Variants in IPO11 observed in about 807,000 individuals in gnomAD.
IPO11 encodes importin-11.
A neutral mutation model predicts 143.2 loss-of-function variants in IPO11; 66 were observed. The ratio of observed to expected loss-of-function variants is 0.46; its 90% confidence interval spans 0.38 to 0.57. The LOEUF (loss-of-function observed/expected upper bound fraction) is 0.57, where lower values mean the gene tolerates loss of function less well. Among genes scored for constraint, IPO11 ranks in the 20% least tolerant of loss-of-function variants. The probability of loss-of-function intolerance (pLI) is 0.00; values close to 1 mark genes in which losing one functional copy is unlikely to be tolerated. For missense variants in IPO11, 1,026 were observed against 1,141.0 expected (o/e 0.90, Z 1.45); for synonymous variants, 385 against 377.8 (o/e 1.02, Z -0.22).
chr5:62,596,274 A>AAAAAAAAAAAAAAAAAGAAAG (rs1554057521), intron 28 of IPO11, among the ~76,000 whole-genome samples: 3 of 150,866 alleles, frequency 2.0e-5, no homozygotes, highest in African/African-American at 7.4e-5. Flanking sequence ...GTCTCAAAAA[A>AAAAAAAAAAAAAAAAAGAAAG]AAAAAAAAAG....
chr5:62,544,494 A>G (rs561500335), intron 24 of IPO11, among the ~76,000 whole-genome samples: 1 of 152,322 alleles, frequency 6.6e-6, no homozygotes, highest in East Asian at 1.9e-4. Flanking sequence ...AGCCAATATC[A>G]TACTGAATGG....
chr5:62,428,410 C>T (rs1743840146), intron 1 of IPO11, among the ~76,000 whole-genome samples: 1 of 152,130 alleles, frequency 6.6e-6, no homozygotes. Context: ...GTGGTGCGAT[C>T]TCAGCTCACT....
chr5:62,446,080 T>G (rs1417897794), intron 3 of IPO11, among the ~76,000 whole-genome samples: 1 of 152,232 alleles, frequency 6.6e-6, no homozygotes, highest in African/African-American at 2.4e-5. Flanking sequence ...GAGAGATCAT[T>G]TTTAATGACC....
intron 1 of IPO11, among the ~76,000 whole-genome samples, chr5:62,435,214 A>ATATATATGTGTG (rs1554047245): frequency 8.2e-6 from 1 of 122,008 alleles, no homozygotes; most frequent in African/African-American, 3.4e-5. Flanking sequence ...ATATATGTGT[A>ATATATATGTGTG]TATATATATA....
rs184872549 is a variant in IPO11 at position 62,562,532 on chromosome 5, C to T, written c.2582+1275C>T. ...ATAGGGTTACCACTCCTATGAGAAT[C>T]TAATGCCACCACTGATCAGACAGGA... On this transcript the variant is annotated intron_variant, in intron 27 of 29. Coordinates refer to ENST00000325324, the MANE Select transcript of IPO11 (RefSeq NM_016338.5). Among the ~76,000 whole-genome samples the T allele has an allele frequency of 5.3e-5, 8 of 152,308 alleles. No individual in the cohort carries two copies. The East Asian group carries it at 1.5e-3, about 29-fold the overall frequency.
At position 62,468,090 on chromosome 5, in the gene IPO11, G is replaced by A. The variant is rs190178817; in HGVS notation, c.649+827G>A. Reference sequence around the variant, plus strand: ...AGCTTCCTGAGTAACTGGGACTACAGGCACATGCCACTGCACCAGGCTGAT... The same window carrying A: ...AGCTTCCTGAGTAACTGGGACTACAAGCACATGCCACTGCACCAGGCTGAT... On this transcript the variant is annotated intron_variant, in intron 6 of 29. Coordinates refer to ENST00000325324, the MANE Select transcript of IPO11 (RefSeq NM_016338.5). Among the ~76,000 whole-genome samples the A allele has an allele frequency of 7.0e-4, 106 of 152,172 alleles. 1 individual carries two copies. The highest frequency in any genetic ancestry group is 8.8e-5 in the Non-Finnish European group (6 of 68,004).
At chr5:62,616,523 C>T (rs927027080) in intron 29 of IPO11, among the ~76,000 whole-genome samples, 2 of 151,914 alleles carry the variant, frequency 1.3e-5, no homozygotes, top group Non-Finnish European at 2.9e-5. Context: ...CACTTGAGAC[C>T]AGCCTGGCCA....
In IPO11 at chr5:62,628,333, GAAAA is replaced by G. The variant is rs929292004; in HGVS notation, c.*1021_*1024del. 4 of 150,330 alleles carry G rather than the reference GAAAA, an allele frequency of 2.7e-5. No homozygotes were observed. In the South Asian group the frequency reaches 6.3e-4, roughly 24 times the overall value. 9.3% of individuals were successfully genotyped at this position (150,330 alleles called of 1,614,324 possible). A position where few individuals can be genotyped will look rare whatever the true frequency, so the allele number is the denominator to read the frequency against. On this transcript the variant is annotated 3_prime_UTR_variant, in exon 30 of 30. Transcript: ENST00000325324. ...GCAGTACATAAAAAGGGGAAAAGGA[GAAAA>G]AAAAAGCCTTACTTTGTTTTACTTG...
intron 20 of IPO11, among the ~76,000 whole-genome samples, chr5:62,519,059 A>T (rs1186845543): frequency 6.6e-6 from 1 of 152,126 alleles, no homozygotes; most frequent in Non-Finnish European, 1.5e-5. Flanking sequence ...GGGGCACATT[A>T]GGGAAGGCCT....
At chr5:62,613,981 T>C (rs1746028471) in intron 29 of IPO11, among the ~76,000 whole-genome samples, 1 of 152,228 alleles carries the variant, frequency 6.6e-6, no homozygotes, top group East Asian at 1.9e-4. Context: ...AATTTTTGCA[T>C]GAACCCTTGC....
At chr5:62,581,340 TG>T in intron 27 of IPO11, 2 of 1,440,486 alleles carry the variant, frequency 1.4e-6, no homozygotes, top group Non-Finnish European at 1.8e-6. Flanking sequence ...GAAACTTCAG[TG>T]CCATGGACAT....
chr5:62,451,670 A>G, intron 4 of IPO11, 60 bp from the exon 5 acceptor site: 1 of 1,233,524 alleles, frequency 8.1e-7, no homozygotes, highest in Non-Finnish European at 1.2e-6. Flanking sequence ...GTGATTTGTC[A>G]CCGTGAATGC....
chr5:62,624,980 C>CAAA (rs141431600), intron 29 of IPO11, among the ~76,000 whole-genome samples: 15,042 of 89,404 alleles, frequency 0.17, 1,111 homozygotes, highest in East Asian at 0.4. Context: ...GCGAGAGACT[C>CAAA]AAAAAAAAAA....
intron 1 of IPO11, among the ~76,000 whole-genome samples, chr5:62,421,847 G>C (rs1743525991): frequency 6.6e-6 from 1 of 152,194 alleles, no homozygotes; most frequent in Admixed American, 6.5e-5. Context: ...TACAATGACA[G>C]GCTGAGCTCT....
chr5:62,477,400 A>G (rs1296659234), intron 9 of IPO11, among the ~76,000 whole-genome samples: 1 of 152,198 alleles, frequency 6.6e-6, no homozygotes, highest in African/African-American at 2.4e-5. Flanking sequence ...AGATTCAATA[A>G]TAGGGTAGGG....
At chr5:62,626,825 TATTTAA>T (rs1248988295) in intron 29 of IPO11, among the ~76,000 whole-genome samples, 1 of 152,216 alleles carries the variant, frequency 6.6e-6, no homozygotes, top group African/African-American at 2.4e-5. Context: ...TGGACAATTG[TATTTAA>T]ATGTTCTTCA....
chr5:62,615,363 T>G (rs1746092707), intron 29 of IPO11, among the ~76,000 whole-genome samples: 1 of 152,214 alleles, frequency 6.6e-6, no homozygotes, highest in African/African-American at 2.4e-5. Context: ...TTGGTTTAGT[T>G]TTGAGTTTAG....
At chr5:62,480,199 C>T (rs182227309) in intron 9 of IPO11, among the ~76,000 whole-genome samples, 1 of 152,140 alleles carries the variant, frequency 6.6e-6, no homozygotes, top group Non-Finnish European at 1.5e-5. Flanking sequence ...AATAGGAATC[C>T]TTTCGCCATT....
intron 27 of IPO11, among the ~76,000 whole-genome samples, chr5:62,563,940 T>C (rs1415743741): frequency 6.6e-6 from 1 of 152,172 alleles, no homozygotes; most frequent in African/African-American, 2.4e-5. Context: ...TCTTAAACAC[T>C]GGAATTTTAA....
Sources: gnomAD v4.1 joint callset for allele counts (sites outside exome capture counted in the v4.1 genomes callset) on GRCh38, gnomAD v4.1.1 for gene constraint, MANE v1.5 for transcripts, NCBI Gene and HGNC (gene_info 2026-07-23, HGNC 2026-07-21) for gene names.